The following ODAD2 variants were observed in gnomAD, a reference collection of about 807,000 sequenced individuals.
The protein encoded by ODAD2 is outer dynein arm-docking complex subunit 2.
Under a neutral mutation model 106.8 loss-of-function variants are expected in ODAD2, and 89 were observed. That is an observed-to-expected ratio of 0.83 (90% CI 0.70 to 0.99). ODAD2 has a LOEUF of 0.99. Ranked by LOEUF, ODAD2 falls within the 50% of genes least tolerant of loss-of-function variation. The pLI is 0.00. For synonymous variants in ODAD2, 404 were observed against 436.2 expected, an observed-to-expected ratio of 0.93 and a Z score of 0.92; for missense variants, 1,168 against 1,238.5, an observed-to-expected ratio of 0.94 and a Z score of 0.85.
At chr10:27,889,814 T>C (rs1281017067) in intron 17 of ODAD2, among the ~76,000 whole-genome samples, 1 of 152,196 alleles carries the variant, frequency 6.6e-6, no homozygotes, top group Non-Finnish European at 1.5e-5. Context: ...AGATTGGTGA[T>C]CTCATGTTGA....
intron 17 of ODAD2, among the ~76,000 whole-genome samples, chr10:27,886,577 G>A (rs945077235): frequency 2.0e-5 from 3 of 152,078 alleles, no homozygotes; most frequent in Middle Eastern, 3.4e-3. Flanking sequence ...AAAATATAAA[G>A]TTCTTTGGTA....
chr10:27,967,112 A>G (rs1457167930), intron 9 of ODAD2, among the ~76,000 whole-genome samples: 1 of 151,622 alleles, frequency 6.6e-6, no homozygotes, highest in African/African-American at 2.4e-5. Context: ...AGGAAAGCCT[A>G]ATAAGACAGA....
chr10:27,950,247 T>C (rs534212609), intron 10 of ODAD2, among the ~76,000 whole-genome samples: 45 of 152,326 alleles, frequency 3.0e-4, no homozygotes, highest in Non-Finnish European at 5.6e-4. Context: ...GTGCCCAGCA[T>C]AAAGATTGGC....
At chr10:27,973,751 G>A (rs1849012124) in intron 7 of ODAD2, among the ~76,000 whole-genome samples, 1 of 152,134 alleles carries the variant, frequency 6.6e-6, no homozygotes, top group Admixed American at 6.6e-5. Context: ...GAACATATGT[G>A]TGCATGTGTC....
chr10:27,860,902 T>C, intron 18 of ODAD2, 56 bp from the exon 19 acceptor site: 1 of 1,453,690 alleles, frequency 6.9e-7, no homozygotes. Flanking sequence ...TGCAAGATCA[T>C]GTCTATAAGC....
chr10:27,963,749 G>A lies in ODAD2; in HGVS notation c.1239-2034C>T, dbSNP rs561807156. 5.9e-5 allele frequency among the ~76,000 whole-genome samples: 9 copies of A among 151,948 alleles called. No individual in the cohort carries two copies. The South Asian group carries it at 1.9e-3, about 32-fold the overall frequency. ...GGGTATTGGCTCACACTCCAATAGA[G>A]GTTATCATATAATATATATTGTATG... On this transcript the variant is annotated intron_variant, in intron 9 of 19. Transcript: ENST00000305242.
At chr10:27,948,778 G>GTTTTTTTTTT (rs1847115638) in intron 10 of ODAD2, among the ~76,000 whole-genome samples, 1 of 39,238 alleles carries the variant, frequency 2.5e-5, no homozygotes, top group Non-Finnish European at 5.9e-5. Flanking sequence ...TTGGCCTTTG[G>GTTTTTTTTTT]ATTTTTTTTT....
At chr10:27,957,004 C>T (rs1487244893) in intron 10 of ODAD2, 1 of 152,150 alleles carries the variant, frequency 6.6e-6, no homozygotes, top group Non-Finnish European at 1.5e-5. Context: ...AGCATGATTT[C>T]ACTGAAGTTT....
rs10597575 is a variant in ODAD2 at position 27,954,495 on chromosome 10, G to GTGAA, written c.1386+7069_1386+7072dup. 3.7e-3 allele frequency among the ~76,000 whole-genome samples: 563 copies of GTGAA among 151,116 alleles called. 7 individuals are homozygous for GTGAA. The highest frequency in any genetic ancestry group is 0.012 in the African/African-American group (492 of 41,174). On this transcript the variant is annotated intron_variant, in intron 10 of 19. Transcript: ENST00000305242. ...AGCACACGTTCATGAATAAACACGA[G>GTGAA]TGAATGAATGAATGAATGAATGAAT... is the stretch of plus-strand genomic sequence containing the variant.
chr10:27,944,354 TAAGCCCCCA>T lies in ODAD2; in HGVS notation c.1602_1610del (p.Gly535_Leu537del). ...AATCAAGTATATTCACCATAATTGG[TAAGCCCCCA>T]AGGTCAACAATATTCTGTCTGATTT... On this transcript the variant is annotated inframe_deletion, in exon 12 of 20. Transcript: ENST00000305242. 6.2e-7 allele frequency: 1 copy of T among 1,614,084 alleles called. No homozygotes were observed.
intron 17 of ODAD2, among the ~76,000 whole-genome samples, chr10:27,899,432 C>G (rs1843051236): frequency 6.6e-6 from 1 of 152,076 alleles, no homozygotes; most frequent in East Asian, 1.9e-4. Flanking sequence ...TTTTTTCATA[C>G]CCCAGTGGTG....
chr10:27,841,635 A>T (rs1054309083), intron 19 of ODAD2, among the ~76,000 whole-genome samples: 3 of 151,924 alleles, frequency 2.0e-5, no homozygotes, highest in Non-Finnish European at 2.9e-5. Context: ...ACCTCAGGTG[A>T]TCTGCCTGCC....
intron 12 of ODAD2, among the ~76,000 whole-genome samples, chr10:27,941,325 A>G (rs986369425): frequency 2.6e-4 from 9 of 34,196 alleles, no homozygotes; most frequent in Admixed American, 1.0e-3. Context: ...TTCCACTGGA[A>G]AAAAAAAAAA....
At chr10:27,827,055 C>T (rs1174321353) in intron 19 of ODAD2, among the ~76,000 whole-genome samples, 3 of 152,158 alleles carry the variant, frequency 2.0e-5, no homozygotes, top group Admixed American at 2.0e-4. Flanking sequence ...TCTTACATTA[C>T]TTTTCAATAA....
At chr10:27,887,143 ATAG>A (rs1287594477) in intron 17 of ODAD2, among the ~76,000 whole-genome samples, 2 of 152,028 alleles carry the variant, frequency 1.3e-5, no homozygotes, top group African/African-American at 4.8e-5. Flanking sequence ...AAGGATACAC[ATAG>A]GTTGAAAGTC....
At chr10:27,864,554 G>C (rs1351682554) in intron 17 of ODAD2, among the ~76,000 whole-genome samples, 1 of 150,586 alleles carries the variant, frequency 6.6e-6, no homozygotes, top group African/African-American at 2.5e-5. Context: ...GGGGAGTGAG[G>C]TGAGAGCGGG....
chr10:27,877,467 C>G (rs1841417756), intron 17 of ODAD2, among the ~76,000 whole-genome samples: 1 of 151,920 alleles, frequency 6.6e-6, no homozygotes, highest in Non-Finnish European at 1.5e-5. Context: ...AAACATTAGG[C>G]TCAAAACCCT....
intron 17 of ODAD2, among the ~76,000 whole-genome samples, chr10:27,870,461 C>T (rs967703999): frequency 1.3e-5 from 2 of 152,074 alleles, no homozygotes; most frequent in Non-Finnish European, 1.5e-5. Flanking sequence ...CCCATTAACT[C>T]GTCATTTACA....
At chr10:27,967,062 C>T (rs570117158) in intron 9 of ODAD2, among the ~76,000 whole-genome samples, 25 of 150,644 alleles carry the variant, frequency 1.7e-4, no homozygotes, top group African/African-American at 6.1e-4. Flanking sequence ...AAAAAAGGAC[C>T]TAAGAAAGTC....
Sources: gnomAD v4.1 joint callset for allele counts (sites outside exome capture counted in the v4.1 genomes callset) on GRCh38, gnomAD v4.1.1 for gene constraint, MANE v1.5 for transcripts, NCBI Gene and HGNC (gene_info 2026-07-23, HGNC 2026-07-21) for gene names.